The following PALS2 variants were observed in gnomAD, a reference collection of about 807,000 sequenced individuals.
The protein encoded by PALS2 is protein PALS2.
In PALS2, 27 loss-of-function variants were observed where a neutral mutation model predicts 61.6. The ratio of observed to expected loss-of-function variants is 0.44; its 90% CI spans 0.32 to 0.60. The LOEUF is 0.60. Ranked by LOEUF, PALS2 falls within the 20% of genes least tolerant of loss-of-function variation. The probability of loss-of-function intolerance (pLI) is 0.05; values close to 1 mark genes in which losing one functional copy is unlikely to be tolerated. For synonymous variants in PALS2, 236 were observed against 218.6 expected (o/e 1.08, Z -0.70); for missense variants, 554 against 639.4 (o/e 0.87, Z 1.44).
intron 2 of PALS2, among the ~76,000 whole-genome samples, chr7:24,635,847 T>C (rs556578092): frequency 6.6e-6 from 1 of 152,316 alleles, no homozygotes; most frequent in East Asian, 1.9e-4. Context: ...CAAGTTATGC[T>C]GTAATGTGTA....
intron 2 of PALS2, among the ~76,000 whole-genome samples, chr7:24,625,407 T>C (rs1784698771): frequency 6.6e-6 from 1 of 152,222 alleles, no homozygotes; most frequent in African/African-American, 2.4e-5. Flanking sequence ...TGTTTTGTCT[T>C]CACAACAACT....
At chr7:24,673,866 T>G (rs376360575) in intron 9 of PALS2, among the ~76,000 whole-genome samples, 2 of 152,124 alleles carry the variant, frequency 1.3e-5, no homozygotes, top group African/African-American at 4.8e-5. Flanking sequence ...GAAATTAGAT[T>G]ATTGATTTGA....
At chr7:24,666,122 T>C in intron 8 of PALS2, 33 bp downstream of exon 8, 3 of 1,547,472 alleles carry the variant, frequency 1.9e-6, no homozygotes, top group Non-Finnish European at 2.7e-6. Context: ...GAAGTCCAAG[T>C]GAAGTAGCTA....
intron 2 of PALS2, among the ~76,000 whole-genome samples, chr7:24,639,216 A>C (rs1785389874): frequency 6.6e-6 from 1 of 152,242 alleles, no homozygotes; most frequent in Non-Finnish European, 1.5e-5. Flanking sequence ...ACTGCAATTT[A>C]ATGTTAGAGT....
At chr7:24,686,445 G>A (rs1297109146) in intron 11 of PALS2, among the ~76,000 whole-genome samples, 5 of 152,098 alleles carry the variant, frequency 3.3e-5, no homozygotes, top group South Asian at 2.1e-4. Flanking sequence ...TGCCAGGGTC[G>A]TTTCCTTCCT....
intron 1 of PALS2, among the ~76,000 whole-genome samples, chr7:24,610,664 TA>T (rs1353082669): frequency 3.3e-5 from 5 of 152,280 alleles, no homozygotes; most frequent in Admixed American, 2.6e-4. Flanking sequence ...TATGTGAAAA[TA>T]GTTGCATCAA....
rs1782525059 is a variant in PALS2 at position 24,573,528 on chromosome 7, A to AGCG, written c.-60_-58dup. 1 of 373,980 alleles carries AGCG rather than the reference A, an allele frequency of 2.7e-6. No individual in the cohort carries two copies. The highest frequency in any genetic ancestry group is 4.7e-6 in the Non-Finnish European group (1 of 212,746). The allele number at this position is 373,980 out of a possible 1,614,324, so 23.2% of individuals were successfully genotyped here. On this transcript the variant is annotated 5_prime_UTR_variant, in exon 1 of 12. Coordinates refer to ENST00000222644, the MANE Select transcript of PALS2 (RefSeq NM_001303037.2). This position sits in a 1 kb window ranked among gnomAD's most constrained non-coding sequence, Gnocchi z 5.3. ...GCGGCGCCTGTGGCTGAGGGAGAGC[A>AGCG]GCGGCGGCGGGGAGCGACCGGGAGC...
chr7:24,645,399 T>G (rs1177014296), intron 3 of PALS2, among the ~76,000 whole-genome samples: 1 of 152,216 alleles, frequency 6.6e-6, no homozygotes, highest in Non-Finnish European at 1.5e-5. Flanking sequence ...TTTGTTTTTG[T>G]CAGCTTTGTC....
At chr7:24,599,111 TAGAG>T (rs1562606141) in intron 1 of PALS2, among the ~76,000 whole-genome samples, 1 of 152,140 alleles carries the variant, frequency 6.6e-6, no homozygotes, top group Non-Finnish European at 1.5e-5. Context: ...CGTGCAAACA[TAGAG>T]AGTACTAACA....
At chr7:24,640,817 G>A (rs1003298116) in intron 2 of PALS2, among the ~76,000 whole-genome samples, 1 of 151,876 alleles carries the variant, frequency 6.6e-6, no homozygotes, top group Admixed American at 6.6e-5. Flanking sequence ...GACCATCCTG[G>A]CTAACATGGT....
intron 1 of PALS2, among the ~76,000 whole-genome samples, chr7:24,575,547 G>A (rs1048055239): frequency 4.6e-5 from 7 of 152,142 alleles, no homozygotes; most frequent in Middle Eastern, 3.4e-3. Context: ...GACTCTATGT[G>A]TTATCTTTTT....
chr7:24,605,538 A>G (rs1460096741), intron 1 of PALS2, among the ~76,000 whole-genome samples: 2 of 152,200 alleles, frequency 1.3e-5, no homozygotes, highest in Non-Finnish European at 1.5e-5. Context: ...AATGAAGCAT[A>G]TATCTTCATA....
intron 1 of PALS2, among the ~76,000 whole-genome samples, chr7:24,601,165 C>T (rs1327373944): frequency 6.6e-6 from 1 of 152,082 alleles, no homozygotes; most frequent in Non-Finnish European, 1.5e-5. Context: ...TTTTCCTTCA[C>T]CACGTATGCA....
In PALS2 at chr7:24,602,664, A is replaced by G. The variant is rs143550612; in HGVS notation, c.-2-21002A>G. 1.4e-4 allele frequency among the ~76,000 whole-genome samples: 21 copies of G among 152,226 alleles called. No individual in the cohort carries two copies. The East Asian group carries it at 4.1e-3, about 29-fold the overall frequency. On this transcript the variant is annotated intron_variant, in intron 1 of 11. Transcript: ENST00000222644. ...TATTATTTCATTGTCTTTGGTCGAG[A>G]GGTACCTCTTATCTTACTCTCTCCA...
At position 24,662,768 on chromosome 7, in the gene PALS2, G is replaced by GAAAAA. The variant is rs59367702; in HGVS notation, c.652-798_652-794dup. Among the ~76,000 whole-genome samples the GAAAAA allele has an allele frequency of 1.3e-3, 129 of 102,622 alleles. 3 individuals carry two copies. The highest frequency in any genetic ancestry group is 1.7e-3 in the Non-Finnish European group (73 of 44,062). The allele number at this position is 102,622 out of a possible 152,430, so 67.3% of individuals were successfully genotyped here. On this transcript the variant is annotated intron_variant, in intron 5 of 11. Transcript: ENST00000222644. ...TGGGTGAAAGAGTGAGACTCCATCT[G>GAAAAA]AAAAAAAAAAAAAAAAAAAAAAAAA...
intron 1 of PALS2, among the ~76,000 whole-genome samples, chr7:24,600,618 C>A (rs758582746): frequency 2.0e-5 from 3 of 151,238 alleles, no homozygotes; most frequent in African/African-American, 7.3e-5. Flanking sequence ...AGAAGCAGTT[C>A]ATTTTGTATA....
At chr7:24,644,040 A>T (rs112725357) in intron 3 of PALS2, among the ~76,000 whole-genome samples, 1 of 150,824 alleles carries the variant, frequency 6.6e-6, no homozygotes, top group Non-Finnish European at 1.5e-5. Context: ...TCAACCATGT[A>T]CCTACTGATG....
At chr7:24,609,936 A>T (rs1405414027) in intron 1 of PALS2, among the ~76,000 whole-genome samples, 1 of 152,120 alleles carries the variant, frequency 6.6e-6, no homozygotes, top group East Asian at 1.9e-4. Flanking sequence ...ATTCAGCTCT[A>T]CATTTGTTTT....
chr7:24,612,547 C>T lies in PALS2; in HGVS notation c.-2-11119C>T, dbSNP rs929529784. Among the ~76,000 whole-genome samples the T allele has an allele frequency of 2.6e-5, 4 of 151,814 alleles. No homozygotes were observed. The East Asian group carries it at 7.7e-4, about 29-fold the overall frequency. ...ATTTTTACGTTATTGGATCTTCTTA[C>T]CTCAGAACACGGCTTCTCCATTTAA... On this transcript the variant is annotated intron_variant, in intron 1 of 11. Transcript: ENST00000222644.
Sources: allele counts gnomAD v4.1 joint callset (sites outside exome capture counted in the v4.1 genomes callset), GRCh38; gene constraint gnomAD v4.1.1; non-coding constraint Gnocchi (gnomAD v3.1); transcripts MANE v1.5; gene names NCBI Gene and HGNC (gene_info 2026-07-23, HGNC 2026-07-21).